Variants in C8orf34 observed in about 807,000 individuals in gnomAD.
C8orf34 encodes uncharacterized protein C8orf34.
Under a neutral mutation model 68.3 loss-of-function variants are expected in C8orf34, and 65 were observed. The ratio of observed to expected loss-of-function variants is 0.95; its 90% confidence interval spans 0.78 to 1.17. The LOEUF is 1.17. Among genes scored for constraint, C8orf34 ranks in the 50% most tolerant of loss-of-function variants. C8orf34 has a pLI of 0.00. For synonymous variants in C8orf34, 244 were observed against 241.2 expected, an observed-to-expected ratio of 1.01 and a Z score of -0.11; for missense variants, 664 against 655.4, an observed-to-expected ratio of 1.01 and a Z score of -0.14.
intron 4 of C8orf34, among the ~76,000 whole-genome samples, chr8:68,471,748 A>G (rs989294736): frequency 1.3e-5 from 2 of 152,110 alleles, no homozygotes; most frequent in African/African-American, 4.8e-5. Flanking sequence ...TAGTGATCTA[A>G]TTTTAATGTA....
intron 12 of C8orf34, among the ~76,000 whole-genome samples, chr8:68,806,010 G>C (rs1184872237): frequency 6.6e-6 from 1 of 151,062 alleles, no homozygotes; most frequent in Non-Finnish European, 1.5e-5. Context: ...AGATTCTTTC[G>C]ATAGTTGTTC....
chr8:68,628,595 A>C (rs2130681921), intron 7 of C8orf34, among the ~76,000 whole-genome samples: 1 of 152,320 alleles, frequency 6.6e-6, no homozygotes, highest in East Asian at 1.9e-4. Flanking sequence ...CCTTTGACCA[A>C]ATCAGCTTTA....
At chr8:68,354,648 C>T (rs747868089) in intron 1 of C8orf34, among the ~76,000 whole-genome samples, 1 of 152,072 alleles carries the variant, frequency 6.6e-6, no homozygotes, top group Admixed American at 6.6e-5. Flanking sequence ...TCTTTCTATG[C>T]CATTTCTCTG....
chr8:68,643,193 A>G (rs1437347245), intron 8 of C8orf34, among the ~76,000 whole-genome samples: 1 of 152,212 alleles, frequency 6.6e-6, no homozygotes, highest in East Asian at 1.9e-4. Context: ...CTTTGGGTAG[A>G]TTACTTTTGT....
At chr8:68,766,669 C>T (rs1053677126) in intron 10 of C8orf34, among the ~76,000 whole-genome samples, 1 of 152,050 alleles carries the variant, frequency 6.6e-6, no homozygotes, top group African/African-American at 2.4e-5. Flanking sequence ...GAGATATAGC[C>T]AACAACAAAT....
chr8:68,816,764 T>G (rs1000045166), intron 13 of C8orf34, among the ~76,000 whole-genome samples: 2 of 152,174 alleles, frequency 1.3e-5, no homozygotes, highest in African/African-American at 4.8e-5. Flanking sequence ...GAATATTATG[T>G]TCATTGCCAT....
chr8:68,607,005 A>ATAC lies in C8orf34; in HGVS notation c.1106-33367_1106-33365dup, dbSNP rs532475919. On this transcript the variant is annotated intron_variant, in intron 7 of 13. Coordinates refer to ENST00000518698, the MANE Select transcript of C8orf34 (RefSeq NM_052958.4). ...TATCTCTCAGGAAACATTCACCAACATACTACATATCTCCAGATGTTTACC... is the reference window on the plus strand; with the variant it reads ...TATCTCTCAGGAAACATTCACCAACATACTACTACATATCTCCAGATGTTTACC... Among the ~76,000 whole-genome samples, 202 of 152,226 alleles carry ATAC rather than the reference A, an allele frequency of 1.3e-3. 2 individuals are homozygous for ATAC. The highest frequency in any genetic ancestry group is 4.6e-3 in the African/African-American group (191 of 41,558).
intron 7 of C8orf34, among the ~76,000 whole-genome samples, chr8:68,552,390 G>A (rs1222786504): frequency 6.6e-6 from 1 of 151,996 alleles, no homozygotes; most frequent in Non-Finnish European, 1.5e-5. Flanking sequence ...TAGTTTGTCA[G>A]AGTACAAATT....
At chr8:68,555,347 A>G (rs1045133856) in intron 7 of C8orf34, among the ~76,000 whole-genome samples, 3 of 152,156 alleles carry the variant, frequency 2.0e-5, no homozygotes, top group African/African-American at 7.2e-5. Context: ...TGCTTGATGC[A>G]TAGCAATAAG....
chr8:68,494,696 A>T (rs1813449860), intron 5 of C8orf34, among the ~76,000 whole-genome samples: 1 of 151,970 alleles, frequency 6.6e-6, no homozygotes, highest in Admixed American at 6.6e-5. Flanking sequence ...ATCTACTAAA[A>T]ATACAAAAAA....
At chr8:68,603,029 C>T (rs1317974928) in intron 7 of C8orf34, among the ~76,000 whole-genome samples, 1 of 152,134 alleles carries the variant, frequency 6.6e-6, no homozygotes, top group Non-Finnish European at 1.5e-5. Flanking sequence ...ATAAGAAAAC[C>T]CAGGGAAATC....
intron 7 of C8orf34, among the ~76,000 whole-genome samples, chr8:68,608,080 C>A (rs1178563486): frequency 6.6e-6 from 1 of 151,626 alleles, no homozygotes; most frequent in Non-Finnish European, 1.5e-5. Flanking sequence ...ATTCAACAAG[C>A]TTTTACTGTG....
intron 1 of C8orf34, among the ~76,000 whole-genome samples, chr8:68,417,371 GCCTACTGATAGACA>G (rs1809720131): frequency 6.6e-6 from 1 of 151,910 alleles, no homozygotes; most frequent in South Asian, 2.1e-4. Context: ...GCAAATTAGT[GCCTACTGATAGACA>G]CTAATTTTAG....
intron 8 of C8orf34, among the ~76,000 whole-genome samples, chr8:68,683,250 A>G (rs2130883091): frequency 6.6e-6 from 1 of 152,102 alleles, no homozygotes; most frequent in Non-Finnish European, 1.5e-5. Context: ...ATTTAAAAAG[A>G]TATTTATATG....
intron 5 of C8orf34, among the ~76,000 whole-genome samples, chr8:68,514,480 C>T (rs1814419542): frequency 6.6e-6 from 1 of 152,224 alleles, no homozygotes; most frequent in Non-Finnish European, 1.5e-5. Flanking sequence ...AGCTCCCTCT[C>T]ATTTTTAGTC....
chr8:68,489,018 A>C (rs1174273935), intron 5 of C8orf34, among the ~76,000 whole-genome samples: 1 of 152,106 alleles, frequency 6.6e-6, no homozygotes, highest in Non-Finnish European at 1.5e-5. Context: ...TGATTAAACC[A>C]TTACCTTAAC....
At chr8:68,591,438 T>C (rs1233410379) in intron 7 of C8orf34, among the ~76,000 whole-genome samples, 1 of 152,152 alleles carries the variant, frequency 6.6e-6, no homozygotes, top group African/African-American at 2.4e-5. Flanking sequence ...CTCATGGAAT[T>C]AGTTTCACCT....
chr8:68,650,084 G>A (rs1441049503), intron 8 of C8orf34, among the ~76,000 whole-genome samples: 1 of 151,654 alleles, frequency 6.6e-6, no homozygotes, highest in Admixed American at 6.6e-5. Flanking sequence ...TTAAATTGAA[G>A]GTCTGTGAAA....
At chr8:68,467,147 C>A (rs1220432371) in intron 3 of C8orf34, among the ~76,000 whole-genome samples, 10 of 151,946 alleles carry the variant, frequency 6.6e-5, no homozygotes, top group Admixed American at 2.6e-4. Context: ...ATCCTTCATA[C>A]CTTGTGCTCC....
Sources: gnomAD v4.1 joint callset for allele counts (sites outside exome capture counted in the v4.1 genomes callset) on GRCh38, gnomAD v4.1.1 for gene constraint, MANE v1.5 for transcripts, NCBI Gene and HGNC (gene_info 2026-07-23, HGNC 2026-07-21) for gene names.